The following SGMS2 variants were observed in gnomAD, a reference collection of about 807,000 sequenced individuals.
The protein encoded by SGMS2 is phosphatidylcholine:ceramide cholinephosphotransferase 2.
Under a neutral mutation model 43.8 loss-of-function variants are expected in SGMS2, and 21 were observed. The observed-to-expected ratio is 0.48, with a 90% CI of 0.34 to 0.69. The LOEUF (loss-of-function observed/expected upper bound fraction) is 0.69. Ranked by LOEUF, SGMS2 falls within the 30% of genes least tolerant of loss-of-function variation. The probability of loss-of-function intolerance (pLI) is 0.01; values close to 1 mark genes in which losing one functional copy is unlikely to be tolerated. For synonymous variants in SGMS2, 167 were observed against 160.6 expected (o/e 1.04, Z -0.30); for missense variants, 384 against 443.2 (o/e 0.87, Z 1.20).
intron 2 of SGMS2, among the ~76,000 whole-genome samples, chr4:107,876,760 A>G (rs1728939883): frequency 6.6e-6 from 1 of 152,216 alleles, no homozygotes; most frequent in Admixed American, 6.5e-5. Flanking sequence ...GTTTTCTACA[A>G]CAAGATTATG....
chr4:107,871,654 A>G (rs1728564948), intron 2 of SGMS2, among the ~76,000 whole-genome samples: 1 of 152,118 alleles, frequency 6.6e-6, no homozygotes, highest in Non-Finnish European at 1.5e-5. Context: ...AACCATTGCT[A>G]CATATTTAAC....
chr4:107,900,075 C>G (rs6835162), intron 4 of SGMS2, among the ~76,000 whole-genome samples: 9,138 of 152,020 alleles, frequency 0.06, 316 homozygotes, highest in African/African-American at 0.096. Context: ...TAAACAAATT[C>G]ATAATTTGTC....
At chr4:107,865,663 A>G (rs1728060306) in intron 2 of SGMS2, among the ~76,000 whole-genome samples, 1 of 152,192 alleles carries the variant, frequency 6.6e-6, no homozygotes, top group Non-Finnish European at 1.5e-5. Context: ...CTCTTGTTCT[A>G]GGGAATATGA....
intron 2 of SGMS2, among the ~76,000 whole-genome samples, chr4:107,887,254 A>G (rs1434289405): frequency 6.6e-6 from 1 of 152,176 alleles, no homozygotes; most frequent in African/African-American, 2.4e-5. Context: ...ATAGCTGATT[A>G]TAAAACCACC....
At chr4:107,855,564 G>C (rs1367250788) in intron 1 of SGMS2, among the ~76,000 whole-genome samples, 6 of 152,126 alleles carry the variant, frequency 3.9e-5, no homozygotes, top group African/African-American at 1.4e-4. Context: ...ATATAATAGT[G>C]ACTTTTTTGA....
chr4:107,907,827 TTTGTCA>T (rs1731714765), intron 5 of SGMS2: 2 of 152,180 alleles, frequency 1.3e-5, no homozygotes, highest in Non-Finnish European at 2.9e-5. Flanking sequence ...TTCAGTTATA[TTTGTCA>T]TTAACACTTG....
intron 2 of SGMS2, among the ~76,000 whole-genome samples, chr4:107,875,870 A>G (rs1432881135): frequency 6.6e-6 from 1 of 152,094 alleles, no homozygotes; most frequent in African/African-American, 2.4e-5. Flanking sequence ...CCTTTTAATG[A>G]AGACCCTGCT....
intron 1 of SGMS2, among the ~76,000 whole-genome samples, chr4:107,855,701 C>T (rs1438601924): frequency 2.0e-5 from 3 of 152,040 alleles, no homozygotes. Context: ...GTTAGTAGGT[C>T]CATTTGGTCT....
intron 1 of SGMS2, among the ~76,000 whole-genome samples, chr4:107,848,866 AGT>A (rs1726980334): frequency 6.6e-6 from 1 of 152,070 alleles, no homozygotes; most frequent in Admixed American, 6.6e-5. Flanking sequence ...TTTTCTTAAC[AGT>A]GTTTCTTAGA....
intron 1 of SGMS2, among the ~76,000 whole-genome samples, chr4:107,838,346 A>G (rs778146564): frequency 6.6e-6 from 1 of 152,228 alleles, no homozygotes; most frequent in Non-Finnish European, 1.5e-5. Flanking sequence ...CAAAGCACAA[A>G]TTAATTACTT....
At chr4:107,905,447 T>C (rs1731474064) in intron 5 of SGMS2, among the ~76,000 whole-genome samples, 2 of 152,130 alleles carry the variant, frequency 1.3e-5, no homozygotes, top group East Asian at 3.9e-4. Context: ...CTGCCAAACC[T>C]CATAAACAAT....
At chr4:107,840,334 G>A (rs1054922638) in intron 1 of SGMS2, among the ~76,000 whole-genome samples, 3 of 152,124 alleles carry the variant, frequency 2.0e-5, no homozygotes, top group Non-Finnish European at 2.9e-5. Flanking sequence ...TCCTAACTGG[G>A]CGAGGGCTGT....
At chr4:107,849,333 A>T (rs1166618479) in intron 1 of SGMS2, among the ~76,000 whole-genome samples, 1 of 152,150 alleles carries the variant, frequency 6.6e-6, no homozygotes, top group Non-Finnish European at 1.5e-5. Flanking sequence ...AGTAGCCACA[A>T]GTCATCACAT....
At chr4:107,855,509 A>G (rs1345461462) in intron 1 of SGMS2, among the ~76,000 whole-genome samples, 2 of 152,038 alleles carry the variant, frequency 1.3e-5, no homozygotes, top group Non-Finnish European at 2.9e-5. Context: ...TCTTCTTGTT[A>G]TTGATTTTTC....
chr4:107,861,702 T>A (rs1560644246), intron 2 of SGMS2, among the ~76,000 whole-genome samples: 1 of 152,208 alleles, frequency 6.6e-6, no homozygotes, highest in Non-Finnish European at 1.5e-5. Flanking sequence ...TTGGAGGAGA[T>A]AAAGGATTAA....
At chr4:107,833,154 C>T (rs1725985552) in intron 1 of SGMS2, among the ~76,000 whole-genome samples, 1 of 152,218 alleles carries the variant, frequency 6.6e-6, no homozygotes, top group African/African-American at 2.4e-5. Context: ...TCTCCCATCC[C>T]CCACTCAGCA....
rs185848519 is a variant in SGMS2 at position 107,904,401 on chromosome 4, C to T, written c.727+1015C>T. Among the ~76,000 whole-genome samples the T allele has an allele frequency of 2.6e-5, 4 of 152,138 alleles. No individual in the cohort carries two copies. In the East Asian group the frequency reaches 7.7e-4, roughly 29 times the overall value. On this transcript the variant is annotated intron_variant, in intron 5 of 6. Transcript: ENST00000690982. ...CTTTGTTCATCCAAATAGATTTATC[C>T]TAATTGGTGGTGTGGAAGTCAAGGG...
At chr4:107,894,104 CTG>C (rs762931368) in intron 2 of SGMS2, 3 of 152,082 alleles carry the variant, frequency 2.0e-5, no homozygotes, top group Non-Finnish European at 2.9e-5. Flanking sequence ...GCCATTTTCG[CTG>C]TGTTTTTTTT....
chr4:107,873,606 T>C (rs901920412), intron 2 of SGMS2, among the ~76,000 whole-genome samples: 9 of 151,984 alleles, frequency 5.9e-5, no homozygotes, highest in Admixed American at 1.3e-4. Context: ...TATATACTTA[T>C]GCTGTGTTTA....
Sources: allele counts gnomAD v4.1 joint callset (sites outside exome capture counted in the v4.1 genomes callset), GRCh38; gene constraint gnomAD v4.1.1; transcripts MANE v1.5; gene names NCBI Gene and HGNC (gene_info 2026-07-23, HGNC 2026-07-21).